Variants in CR1 observed in about 807,000 individuals in gnomAD.
CR1 encodes complement C3b/C4b receptor 1 (Knops blood group).
Under a neutral mutation model 187.3 loss-of-function variants are expected in CR1, and 116 were observed. The ratio of observed to expected loss-of-function variants is 0.62; its 90% CI spans 0.53 to 0.72. CR1 has a LOEUF of 0.72. Among genes scored for constraint, CR1 ranks in the 30% least tolerant of loss-of-function variants. The pLI is 0.00. For synonymous variants in CR1, 576 were observed against 747.1 expected (o/e 0.77, Z 3.73); for missense variants, 1,731 against 2,110.7 (o/e 0.82, Z 3.52).
intron 32 of CR1, among the ~76,000 whole-genome samples, chr1:207,584,255 C>T (rs1661043808): frequency 6.6e-6 from 1 of 152,050 alleles, no homozygotes; most frequent in Non-Finnish European, 1.5e-5. Context: ...TGTCAAAGAT[C>T]ATATTTATCC....
chr1:207,567,081 T>C (rs1317685589), intron 24 of CR1, among the ~76,000 whole-genome samples: 1 of 150,452 alleles, frequency 6.6e-6, no homozygotes, highest in East Asian at 1.9e-4. Flanking sequence ...TAAAATAGTT[T>C]CTTCCAAATG....
At chr1:207,578,247 G>A (rs774323262) in intron 29 of CR1, 44 bp downstream of exon 29, 3 of 1,611,766 alleles carry the variant, frequency 1.9e-6, no homozygotes, top group East Asian at 4.5e-5. Flanking sequence ...AGTGACATGT[G>A]TTGCTGTTGG....
At chr1:207,586,428 T>C (rs1661114493) in intron 33 of CR1, among the ~76,000 whole-genome samples, 1 of 152,254 alleles carries the variant, frequency 6.6e-6, no homozygotes, top group Non-Finnish European at 1.5e-5. Context: ...TGAGCCACCA[T>C]GCCCAGCCTA....
rs1030089897 is a variant in CR1 at position 207,619,981 on chromosome 1, G to A, written c.7168G>A (p.Asp2390Asn). Residue 2390 changes from aspartate to asparagine, a missense_variant, in exon 43 of 47, where the codon GAT becomes AAT. Physicochemically the swap from Asp to Asn is conservative, Grantham distance 23 (BLOSUM62 1). This residue lies in a region of CR1 where 1,312 missense variants were observed against 1,379.6 expected (regional missense o/e 0.95). Coordinates refer to ENST00000367049, the MANE Select transcript of CR1 (RefSeq NM_000651.6). The part of the protein sequence containing the change: ...YGDYVTLKCE[D>N]GYTLEGSPWS... ...AGATTATGTGACTTTGAAGTGTGAAGATGGGTATACTCTGGAAGGCAGTCC... is the reference window on the plus strand; with the variant it reads ...AGATTATGTGACTTTGAAGTGTGAAAATGGGTATACTCTGGAAGGCAGTCC... 1 of 1,613,830 alleles carries A rather than the reference G, an allele frequency of 6.2e-7. No homozygotes were observed. The highest frequency in any genetic ancestry group is 8.5e-7 in the Non-Finnish European group (1 of 1,179,834).
chr1:207,623,911 CTTTTTTTTTTTTTT>C (rs71154830), intron 45 of CR1, among the ~76,000 whole-genome samples: 3 of 52,452 alleles, frequency 5.7e-5, no homozygotes, highest in East Asian at 6.8e-4. Context: ...ACACCATTAA[CTTTTTTTTTTTTTT>C]TTTTTTTTTT....
In CR1 at chr1:207,611,550, C is replaced by G. The variant is rs1404406082; in HGVS notation, c.6296-127C>G. 8.7e-6 allele frequency: 12 copies of G among 1,371,566 alleles called. No individual in the cohort carries two copies. In the East Asian group the frequency reaches 2.8e-4, roughly 32 times the overall value. 85.0% of individuals were successfully genotyped at this position (1,371,566 alleles called of 1,614,324 possible). On this transcript the variant is annotated intron_variant, in intron 37 of 46. Transcript: ENST00000367049. ...TTGTTAGTGAGATGTGGCTACTGAACTACCAATCTTCTCTTTTAATAGCTG... is the reference window on the plus strand; with the variant it reads ...TTGTTAGTGAGATGTGGCTACTGAAGTACCAATCTTCTCTTTTAATAGCTG...
At chr1:207,501,341 T>C (rs1397644263) in intron 1 of CR1, among the ~76,000 whole-genome samples, 2 of 152,264 alleles carry the variant, frequency 1.3e-5, no homozygotes, top group African/African-American at 4.8e-5. Flanking sequence ...TCACAACGCA[T>C]ACATATGTTA....
chr1:207,607,189 TA>T, intron 35 of CR1, 61 bp from the exon 36 acceptor site: 1 of 1,304,042 alleles, frequency 7.7e-7, no homozygotes, highest in Non-Finnish European at 1.1e-6. Context: ...TATTATTTTC[TA>T]AATGGTGAGT....
At chr1:207,590,277 C>T (rs1661232986) in intron 35 of CR1, among the ~76,000 whole-genome samples, 1 of 152,198 alleles carries the variant, frequency 6.6e-6, no homozygotes, top group Admixed American at 6.5e-5. Context: ...AGAAACCCTA[C>T]AAGCCAGAAG....
At chr1:207,595,190 C>A (rs556146690) in intron 35 of CR1, among the ~76,000 whole-genome samples, 1 of 148,768 alleles carries the variant, frequency 6.7e-6, no homozygotes, top group East Asian at 2.0e-4. Context: ...AGATTGAATT[C>A]TCCAGAATTC....
At chr1:207,512,408 G>A (rs1372454527) in intron 4 of CR1, among the ~76,000 whole-genome samples, 1 of 152,172 alleles carries the variant, frequency 6.6e-6, no homozygotes, top group Non-Finnish European at 1.5e-5. Flanking sequence ...ACTAGAAAGA[G>A]ATGTATTTTA....
chr1:207,596,717 G>A (rs764051246), intron 35 of CR1, among the ~76,000 whole-genome samples: 2 of 149,840 alleles, frequency 1.3e-5, no homozygotes, highest in Non-Finnish European at 3.0e-5. Context: ...GCTTGATGAT[G>A]TTCAAGCAAA....
At chr1:207,584,591 A>G (rs646817) in intron 32 of CR1, 58 bp from the exon 33 acceptor site, 402,071 of 1,565,870 alleles carry the variant, frequency 0.26, 66,423 homozygotes, top group African/African-American at 0.78. Context: ...CTGTAGAATC[A>G]CCTTGGATTA....
intron 5 of CR1, among the ~76,000 whole-genome samples, chr1:207,526,505 T>G (rs547179767): frequency 2.0e-5 from 3 of 151,280 alleles, no homozygotes; most frequent in African/African-American, 4.9e-5. Flanking sequence ...CTTAGTTGCA[T>G]ACTTTAGATG....
intron 4 of CR1, among the ~76,000 whole-genome samples, chr1:207,519,478 A>C (rs1659907462): frequency 6.6e-6 from 1 of 152,018 alleles, no homozygotes; most frequent in Non-Finnish European, 1.5e-5. Flanking sequence ...TTTATTCTTA[A>C]ATGACTACTC....
At chr1:207,578,470 C>G (rs964559787) in intron 29 of CR1, among the ~76,000 whole-genome samples, 3 of 152,226 alleles carry the variant, frequency 2.0e-5, no homozygotes, top group African/African-American at 7.2e-5. Context: ...GTACCAGCTG[C>G]AATCTCTCTC....
intron 24 of CR1, 92 bp downstream of exon 24, chr1:207,566,015 T>C (rs1660484200): frequency 1.3e-6 from 2 of 1,500,642 alleles, no homozygotes; most frequent in East Asian, 2.3e-5. Flanking sequence ...TTCTTCAATA[T>C]TCTAGTCTTA....
chr1:207,595,617 A>G (rs1661407412), intron 35 of CR1, among the ~76,000 whole-genome samples: 2 of 152,028 alleles, frequency 1.3e-5, no homozygotes, highest in Admixed American at 6.6e-5. Context: ...TTCATCTGCA[A>G]GGCACAGATG....
At chr1:207,506,200 A>G (rs1379246011) in intron 2 of CR1, 117 bp downstream of exon 2, 1 of 1,189,018 alleles carries the variant, frequency 8.4e-7, no homozygotes, top group African/African-American at 1.5e-5. Flanking sequence ...AAGGTGCAAT[A>G]CATATGAGAA....
Sources: allele counts gnomAD v4.1 joint callset (sites outside exome capture counted in the v4.1 genomes callset), GRCh38; gene constraint gnomAD v4.1.1; regional missense constraint gnomAD v4.1.1; transcripts MANE v1.5; gene names NCBI Gene and HGNC (gene_info 2026-07-23, HGNC 2026-07-21).